UNC13C: variants seen among roughly 807,000 people sequenced by gnomAD.
The protein encoded by UNC13C is unc-13 homolog C, also known as protein unc-13 homolog C.
Under a neutral mutation model 245.4 loss-of-function variants are expected in UNC13C, and 174 were observed. That is an observed-to-expected ratio of 0.71 (90% confidence interval 0.63 to 0.80). UNC13C has a LOEUF of 0.80. Ranked by LOEUF, UNC13C falls within the 30% of genes least tolerant of loss-of-function variation. The probability of loss-of-function intolerance (pLI) is 0.00; values close to 1 mark genes in which losing one functional copy is unlikely to be tolerated. For missense variants in UNC13C, 2,829 were observed against 2,602.9 expected, an observed-to-expected ratio of 1.09 and a Z score of -1.89; for synonymous variants, 992 against 895.1, an observed-to-expected ratio of 1.11 and a Z score of -1.93.
intron 24 of UNC13C, among the ~76,000 whole-genome samples, chr15:54,520,896 A>G (rs1309750285): frequency 6.6e-6 from 1 of 152,190 alleles, no homozygotes; most frequent in African/African-American, 2.4e-5. Context: ...CTGAAGATCA[A>G]AAGAAGGAAG....
In UNC13C at chr15:54,250,417, G is replaced by A. The variant is rs866582846; in HGVS notation, c.3421G>A (p.Asp1141Asn). The change falls in exon 8 of 33, where the codon GAC (aspartate) becomes AAC (asparagine). Residue 1141 changes from aspartate to asparagine, a missense_variant. Asp to Asn is a conservative substitution (Grantham distance 23, BLOSUM62 1). Transcript: ENST00000260323. ...AGTGAAATGCCACGAAAAGTGTCAG[G>A]ACCTGCTAAACGCTGACTGCTTGCA... is the stretch of plus-strand genomic sequence containing the variant. The part of the protein sequence containing the change: ...CGVKCHEKCQ[D>N]LLNADCLQRA... 3 of 1,612,654 alleles carry A rather than the reference G, an allele frequency of 1.9e-6. No individual in the cohort carries two copies. The highest frequency in any genetic ancestry group is 1.7e-6 in the Non-Finnish European group (2 of 1,179,332).
chr15:54,203,753 TAC>T (rs376333507), intron 4 of UNC13C, among the ~76,000 whole-genome samples: 4 of 100,968 alleles, frequency 4.0e-5, no homozygotes, highest in Non-Finnish European at 9.9e-5. Context: ...TATGTATATA[TAC>T]ACATATATAT....
intron 19 of UNC13C, 93 bp downstream of exon 19, chr15:54,415,160 A>G (rs2040493620): frequency 2.2e-6 from 2 of 889,864 alleles, no homozygotes; most frequent in Non-Finnish European, 3.4e-6. Context: ...TTGAAACATT[A>G]AAACACTGAT....
At chr15:54,107,772 GTTTAC>G (rs1387143489) in intron 2 of UNC13C, among the ~76,000 whole-genome samples, 1 of 152,130 alleles carries the variant, frequency 6.6e-6, no homozygotes, top group African/African-American at 2.4e-5. Context: ...TGGTTTTGCT[GTTTAC>G]TTTAGAGGAA....
In UNC13C at chr15:54,014,685, AG is replaced by A. The variant is rs1483636102; in HGVS notation, c.1783del (p.Ala595ArgfsTer12). On this transcript the variant is annotated frameshift_variant, in exon 2 of 33. Coordinates refer to ENST00000260323, the MANE Select transcript of UNC13C (RefSeq NM_001080534.3). LOFTEE classifies it high-confidence loss of function. ...TATGGCAGAGGAAACAGGAAGGAAC[AG>A]CGACCCTGTATGACAGTCCCAAGGA... ...ELWQRKQEGT[A>X]TLYDSPKDQH... is the part of the protein sequence containing the mutation. The A allele has an allele frequency of 1.2e-6, 2 of 1,613,648 alleles. No homozygotes were observed.
At chr15:54,248,278 C>G (rs1026864997) in intron 7 of UNC13C, among the ~76,000 whole-genome samples, 12 of 151,934 alleles carry the variant, frequency 7.9e-5, no homozygotes, top group African/African-American at 2.7e-4. Flanking sequence ...TAAATTAGTT[C>G]CCTTCCTAAT....
chr15:54,533,706 G>A (rs756364609), intron 26 of UNC13C, among the ~76,000 whole-genome samples: 3 of 152,132 alleles, frequency 2.0e-5, no homozygotes, highest in Non-Finnish European at 2.9e-5. Flanking sequence ...TGAAAGTTTG[G>A]TTGGTTGCTC....
At chr15:54,622,208 TTAA>T (rs1900838068) in intron 30 of UNC13C, 116 bp from the exon 31 acceptor site, 7 of 724,144 alleles carry the variant, frequency 9.7e-6, no homozygotes, top group East Asian at 2.6e-5. Context: ...TTACGCACTA[TTAA>T]TGGAAAGAAC....
chr15:54,115,166 T>C (rs1403798478), intron 2 of UNC13C, among the ~76,000 whole-genome samples: 1 of 152,126 alleles, frequency 6.6e-6, no homozygotes, highest in Non-Finnish European at 1.5e-5. Context: ...GACTTATGCT[T>C]TCAGAGTCCT....
chr15:53,953,877 C>T, the UNC13C span, among the ~76,000 whole-genome samples: 3,144 of 152,354 alleles, frequency 0.021, 140 homozygotes, highest in African/African-American at 0.072. Context: ...TGTCAGAGCA[C>T]AGTCCAGACC....
chr15:54,156,331 C>A (rs533663725), intron 4 of UNC13C, among the ~76,000 whole-genome samples: 2 of 152,254 alleles, frequency 1.3e-5, no homozygotes, highest in South Asian at 4.1e-4. Context: ...GGCTTAGACT[C>A]TAAGGTGCCA....
At chr15:53,846,713 TA>T in the UNC13C span, among the ~76,000 whole-genome samples, 1 of 152,194 alleles carries the variant, frequency 6.6e-6, no homozygotes, top group Non-Finnish European at 1.5e-5. Flanking sequence ...GATTGTACTA[TA>T]TAGAAGAGAT....
chr15:54,127,876 A>C (rs2031162581), intron 2 of UNC13C, among the ~76,000 whole-genome samples: 1 of 150,614 alleles, frequency 6.6e-6, no homozygotes, highest in Non-Finnish European at 1.5e-5. Context: ...AAGAATACTC[A>C]CTCTCATCAC....
intron 2 of UNC13C, among the ~76,000 whole-genome samples, chr15:54,089,006 A>G (rs1187629151): frequency 6.6e-6 from 1 of 152,152 alleles, no homozygotes; most frequent in Non-Finnish European, 1.5e-5. Context: ...GGCCTTGGCA[A>G]TGTCATAGTC....
chr15:54,445,865 C>T (rs1481393208), intron 19 of UNC13C, among the ~76,000 whole-genome samples: 4 of 152,156 alleles, frequency 2.6e-5, no homozygotes, highest in Admixed American at 2.6e-4. Context: ...GAAGTCCTTG[C>T]CCATGCCTAT....
the UNC13C span, among the ~76,000 whole-genome samples, chr15:53,845,711 G>A: frequency 2.6e-5 from 4 of 152,134 alleles, no homozygotes; most frequent in Non-Finnish European, 5.9e-5. Context: ...ATGTGATTCA[G>A]TCCATGAAGT....
intron 2 of UNC13C, among the ~76,000 whole-genome samples, chr15:54,060,565 C>G (rs1317236563): frequency 1.3e-5 from 2 of 152,134 alleles, no homozygotes; most frequent in Middle Eastern, 3.2e-3. Flanking sequence ...TGTGGTGATT[C>G]CTCAGGGATC....
intron 2 of UNC13C, among the ~76,000 whole-genome samples, chr15:54,119,188 A>G (rs1268985511): frequency 6.6e-6 from 1 of 152,078 alleles, no homozygotes; most frequent in Non-Finnish European, 1.5e-5. Flanking sequence ...TTACTCAGTA[A>G]AGGAAAGCTG....
chr15:54,560,326 T>C (rs542503127), intron 29 of UNC13C, among the ~76,000 whole-genome samples: 36 of 151,984 alleles, frequency 2.4e-4, no homozygotes, highest in African/African-American at 8.0e-4. Flanking sequence ...ATCTTCAATC[T>C]TGAAAAGTTT....
Sources: allele counts gnomAD v4.1 joint callset (sites outside exome capture counted in the v4.1 genomes callset), GRCh38; gene constraint gnomAD v4.1.1; transcripts MANE v1.5; gene names NCBI Gene and HGNC (gene_info 2026-07-23, HGNC 2026-07-21).